The following SND1 variants were observed in gnomAD, a reference collection of about 807,000 sequenced individuals.
The protein encoded by SND1 is staphylococcal nuclease and tudor domain containing 1.
In SND1, 38 loss-of-function variants were observed where a neutral mutation model predicts 121.7. That is an observed-to-expected ratio of 0.31 (90% CI 0.24 to 0.41). The LOEUF (loss-of-function observed/expected upper bound fraction) is 0.41, where lower values mean the gene tolerates loss of function less well. Ranked by LOEUF, SND1 falls within the 10% of genes least tolerant of loss-of-function variation. The pLI is 1.00. For synonymous variants in SND1, 401 were observed against 447.4 expected (o/e 0.90, Z 1.31); for missense variants, 868 against 1,184.6 (o/e 0.73, Z 3.92).
At chr7:128,075,942 G>A (rs1017749817) in intron 17 of SND1, among the ~76,000 whole-genome samples, 28 of 152,264 alleles carry the variant, frequency 1.8e-4, no homozygotes, top group African/African-American at 6.8e-4. Flanking sequence ...CTGCTGCAGG[G>A]AGAGGGGGGG....
intron 2 of SND1, among the ~76,000 whole-genome samples, chr7:127,687,496 G>T (rs773739186): frequency 1.3e-5 from 2 of 151,954 alleles, no homozygotes; most frequent in African/African-American, 2.4e-5. Context: ...AGTCCCCAGT[G>T]TCTATTATTT....
chr7:127,887,094 C>G (rs1342928581), intron 12 of SND1, among the ~76,000 whole-genome samples: 1 of 151,992 alleles, frequency 6.6e-6, no homozygotes, highest in Non-Finnish European at 1.5e-5. Flanking sequence ...ACCTCAAACT[C>G]CTGATCCTCC....
Position 128,030,725 on chromosome 7 carries a change from G to A in SND1, c.1779+39669G>A, listed in dbSNP as rs1792563755. Reference sequence around the variant, plus strand: ...CCCTACCCCGGCTTAAGTGAGCTAGGAGCTCCTCTTTCCATCTGGAGAAGG... The same window carrying A: ...CCCTACCCCGGCTTAAGTGAGCTAGAAGCTCCTCTTTCCATCTGGAGAAGG... On this transcript the variant is annotated intron_variant, in intron 16 of 23. Coordinates refer to ENST00000354725, the MANE Select transcript of SND1 (RefSeq NM_014390.4). The A allele has an allele frequency of 2.0e-6, 3 of 1,464,404 alleles. No individual in the cohort carries two copies. In the Admixed American group the frequency reaches 7.1e-5, roughly 34 times the overall value. 90.7% of individuals were successfully genotyped at this position (1,464,404 alleles called of 1,614,324 possible).
At chr7:127,989,865 T>C (rs1474819170) in intron 15 of SND1, among the ~76,000 whole-genome samples, 1 of 152,268 alleles carries the variant, frequency 6.6e-6, no homozygotes, top group East Asian at 1.9e-4. Flanking sequence ...GTAGCATATT[T>C]CATGGTCTGT....
intron 12 of SND1, among the ~76,000 whole-genome samples, chr7:127,870,505 G>C (rs1799564998): frequency 6.6e-6 from 1 of 152,144 alleles, no homozygotes; most frequent in South Asian, 2.1e-4. Flanking sequence ...ACTACACACA[G>C]AGGCTGTATG....
At chr7:127,821,846 G>A (rs941938191) in intron 11 of SND1, among the ~76,000 whole-genome samples, 1 of 152,126 alleles carries the variant, frequency 6.6e-6, no homozygotes, top group African/African-American at 2.4e-5. Context: ...TGCCGAAACA[G>A]ACATTTTGAC....
intron 12 of SND1, among the ~76,000 whole-genome samples, chr7:127,851,870 C>T (rs1201887152): frequency 6.6e-6 from 1 of 152,096 alleles, no homozygotes. Context: ...AGAAATAACA[C>T]GCTTGGCTGG....
chr7:127,834,303 G>C (rs1294534412), intron 11 of SND1, among the ~76,000 whole-genome samples: 1 of 152,154 alleles, frequency 6.6e-6, no homozygotes, highest in Non-Finnish European at 1.5e-5. Context: ...TGATAATTTA[G>C]GAGTGGAAAC....
intron 1 of SND1, among the ~76,000 whole-genome samples, chr7:127,681,586 T>C (rs955254151): frequency 2.6e-5 from 4 of 152,244 alleles, no homozygotes; most frequent in Non-Finnish European, 5.9e-5. Context: ...ATTTACAGGT[T>C]TGTTTTCTTC....
At chr7:128,041,828 C>G (rs1231140845) in intron 16 of SND1, among the ~76,000 whole-genome samples, 1 of 152,226 alleles carries the variant, frequency 6.6e-6, no homozygotes, top group African/African-American at 2.4e-5. Flanking sequence ...CAACACCACT[C>G]CAAGCCATGA....
chr7:127,778,388 A>G (rs549911227), intron 10 of SND1, among the ~76,000 whole-genome samples: 14 of 152,098 alleles, frequency 9.2e-5, no homozygotes, highest in Admixed American at 5.2e-4. Context: ...TAGTAGAGAC[A>G]GGGTTTCACC....
intron 13 of SND1, among the ~76,000 whole-genome samples, chr7:127,903,491 A>G (rs1800274988): frequency 6.6e-6 from 1 of 152,174 alleles, no homozygotes. Flanking sequence ...ATCAAGGAGT[A>G]GAAACTAGAT....
chr7:127,684,835 G>A (rs1001388476), intron 1 of SND1, among the ~76,000 whole-genome samples: 3 of 152,118 alleles, frequency 2.0e-5, no homozygotes, highest in African/African-American at 7.2e-5. Flanking sequence ...GGGTCTGTGT[G>A]CTTAAGGTGT....
rs926108219 is a variant in SND1, at chr7:127,652,248, C to G, written c.-126C>G. ...CTGTGAGCGCCCGGCGAGTCCGTCC[C>G]GTCCACCGTCCGCAGCTGGTAGCCA... On this transcript the variant is annotated 5_prime_UTR_variant, in exon 1 of 24. Transcript: ENST00000354725. The G allele has an allele frequency of 2.5e-6, 2 of 805,442 alleles. No individual in the cohort carries two copies. The highest frequency in any genetic ancestry group is 4.3e-6 in the Non-Finnish European group (2 of 468,854). The allele number at this position is 805,442 out of a possible 1,614,324, so 49.9% of individuals were successfully genotyped here.
In SND1 at chr7:127,958,088, T is replaced by G. The variant is rs149705375; in HGVS notation, c.1669+28759T>G. ...TGTCCGTGTTGAAGGCTAGGGGGCA[T>G]GAGGATACAAAGCAAACTATATGAA... On this transcript the variant is annotated intron_variant, in intron 15 of 23. Transcript: ENST00000354725. Among the ~76,000 whole-genome samples the G allele has an allele frequency of 2.5e-3, 381 of 152,274 alleles. 3 individuals carry two copies. The Middle Eastern group carries it at 0.027, about 11-fold the overall frequency.
intron 14 of SND1, among the ~76,000 whole-genome samples, chr7:127,918,116 G>GC (rs1210643848): frequency 6.7e-6 from 1 of 148,474 alleles, no homozygotes; most frequent in Non-Finnish European, 1.5e-5. Context: ...AGGCTGGAGT[G>GC]CAGTGGCGCA....
chr7:128,002,988 G>A (rs1373693443), intron 16 of SND1, among the ~76,000 whole-genome samples: 5 of 152,204 alleles, frequency 3.3e-5, no homozygotes, highest in Admixed American at 6.5e-5. Flanking sequence ...TTTGGAGGCC[G>A]AGGCAGGGGG....
chr7:127,888,101 T>C lies in SND1; in HGVS notation c.1454+89T>C, dbSNP rs139727550. Reference sequence around the variant, plus strand: ...TGTGCCTATACCTGAGCAGAATGTGTTGGAAAATAATATGCTGAGAAAGCA... The same window carrying C: ...TGTGCCTATACCTGAGCAGAATGTGCTGGAAAATAATATGCTGAGAAAGCA... On this transcript the variant is annotated intron_variant, in intron 13 of 23. Transcript: ENST00000354725. 5 of 739,194 alleles carry C rather than the reference T, an allele frequency of 6.8e-6. No individual in the cohort carries two copies. The African/African-American group carries it at 7.0e-5, about 10-fold the overall frequency. 45.8% of individuals were successfully genotyped at this position (739,194 alleles called of 1,614,324 possible).
Position 127,652,545 on chromosome 7 carries a change from G to C in SND1, c.78+94G>C. On this transcript the variant is annotated intron_variant, in intron 1 of 23. Transcript: ENST00000354725. ...TTCCGCCAGCCTGCTCCATGTCCCA[G>C]ATCCCCTTTCCTCTGCCCCCTTCCT... 4 of 1,061,674 alleles carry C rather than the reference G, an allele frequency of 3.8e-6. No individual in the cohort carries two copies. In the South Asian group the frequency reaches 4.7e-5, roughly 12 times the overall value. 65.8% of individuals were successfully genotyped at this position (1,061,674 alleles called of 1,614,324 possible).
Sources: gnomAD v4.1 joint callset for allele counts (sites outside exome capture counted in the v4.1 genomes callset) on GRCh38, gnomAD v4.1.1 for gene constraint, MANE v1.5 for transcripts, NCBI Gene and HGNC (gene_info 2026-07-23, HGNC 2026-07-21) for gene names.